Variants in CSMD1 observed in about 807,000 individuals in gnomAD.
CSMD1 encodes the protein CUB and Sushi multiple domains 1, also known as CUB and sushi domain-containing protein 1.
Under a neutral mutation model 417.5 loss-of-function variants are expected in CSMD1, and 213 were observed. The observed-to-expected ratio is 0.51, with a 90% confidence interval of 0.46 to 0.57. The LOEUF is 0.57. CSMD1 is among the 20% of genes least tolerant of loss of function. CSMD1 has a pLI of 0.00. For missense variants in CSMD1, 6,923 were observed against 4,529.7 expected, an observed-to-expected ratio of 1.53 and a Z score of -15.17; for synonymous variants, 2,862 against 1,736.8, an observed-to-expected ratio of 1.65 and a Z score of -16.11.
intron 3 of CSMD1, among the ~76,000 whole-genome samples, chr8:4,335,237 T>G (rs1036678161): frequency 6.6e-6 from 1 of 152,106 alleles, no homozygotes; most frequent in Non-Finnish European, 1.5e-5. Context: ...TGATCCCATT[T>G]GTGAACACTT....
chr8:3,543,819 C>G (rs28553311), intron 10 of CSMD1, among the ~76,000 whole-genome samples: 3,138 of 152,142 alleles, frequency 0.021, 96 homozygotes, highest in African/African-American at 0.071. Context: ...TGAATAGGAA[C>G]ATTTTGGTAG....
intron 8 of CSMD1, among the ~76,000 whole-genome samples, chr8:3,604,630 G>T (rs941275762): frequency 2.6e-5 from 4 of 152,180 alleles, no homozygotes; most frequent in South Asian, 2.1e-4. Flanking sequence ...GCAAGAAAAG[G>T]AATCAAAGGA....
intron 6 of CSMD1, among the ~76,000 whole-genome samples, chr8:3,751,698 C>A (rs1228753144): frequency 1.3e-5 from 2 of 151,866 alleles, no homozygotes; most frequent in South Asian, 4.2e-4. Context: ...TTTCTGCCAA[C>A]CAATGAGTTT....
chr8:4,042,875 C>A (rs1797964030), intron 3 of CSMD1, among the ~76,000 whole-genome samples: 1 of 139,058 alleles, frequency 7.2e-6, no homozygotes. Context: ...TGCCTATAAT[C>A]CCAGTACTTT....
chr8:4,708,780 A>G (rs2116853630), intron 1 of CSMD1, among the ~76,000 whole-genome samples: 1 of 152,228 alleles, frequency 6.6e-6, no homozygotes, highest in African/African-American at 2.4e-5. Context: ...ATATTTGGAG[A>G]GAAGATTTTG....
intron 49 of CSMD1, among the ~76,000 whole-genome samples, chr8:3,070,082 T>C (rs1813229313): frequency 6.6e-6 from 1 of 152,220 alleles, no homozygotes; most frequent in Non-Finnish European, 1.5e-5. Context: ...AGCAGCATCC[T>C]GAGGATTCAC....
chr8:4,032,349 C>T (rs1466079168), intron 3 of CSMD1, among the ~76,000 whole-genome samples: 2 of 152,208 alleles, frequency 1.3e-5, no homozygotes, highest in Non-Finnish European at 1.5e-5. Context: ...AAAATATAGT[C>T]CTGCTTTTAT....
intron 5 of CSMD1, among the ~76,000 whole-genome samples, chr8:3,914,521 T>C (rs765416963): frequency 6.6e-6 from 1 of 152,214 alleles, no homozygotes; most frequent in Non-Finnish European, 1.5e-5. Flanking sequence ...TTAATTTTTG[T>C]AGCTCCTAAC....
At chr8:4,722,275 T>C (rs1417195092) in intron 1 of CSMD1, among the ~76,000 whole-genome samples, 2 of 152,138 alleles carry the variant, frequency 1.3e-5, no homozygotes, top group African/African-American at 4.8e-5. Context: ...ATTATATTCC[T>C]TAAATACAGA....
In CSMD1 at chr8:4,078,896, AATATATATATATATATATATAT is replaced by A. The variant is rs1173719388; in HGVS notation, c.416-46819_416-46798del. 8.2e-3 allele frequency among the ~76,000 whole-genome samples: 355 copies of A among 43,542 alleles called. 21 individuals carry two copies. The highest frequency in any genetic ancestry group is 0.066 in the Admixed American group (288 of 4,368). The allele number at this position is 43,542 out of a possible 152,430, so 28.6% of individuals were successfully genotyped here. Reference sequence around the variant, plus strand: ...ACTAAAATTAATAATAATAATAATAAATATATATATATATATATATATATATATATATATATATATATATATG... The same window carrying A: ...ACTAAAATTAATAATAATAATAATAAATATATATATATATATATATATATG... On this transcript the variant is annotated intron_variant, in intron 3 of 69. Coordinates refer to ENST00000635120, the MANE Select transcript of CSMD1 (RefSeq NM_033225.6).
At chr8:4,610,433 T>C (rs1391621059) in intron 2 of CSMD1, among the ~76,000 whole-genome samples, 1 of 152,194 alleles carries the variant, frequency 6.6e-6, no homozygotes, top group Non-Finnish European at 1.5e-5. Flanking sequence ...AAGGATTTAT[T>C]TCCAAAGGGG....
chr8:3,334,433 G>C (rs944461021), intron 23 of CSMD1, among the ~76,000 whole-genome samples: 1 of 152,136 alleles, frequency 6.6e-6, no homozygotes, highest in Non-Finnish European at 1.5e-5. Context: ...CTCATTTATA[G>C]TAGTATGTTT....
chr8:3,878,765 G>A lies in CSMD1; in HGVS notation c.818+119138C>T, dbSNP rs564539585. 2.1e-4 allele frequency among the ~76,000 whole-genome samples: 32 copies of A among 152,230 alleles called. 2 individuals carry two copies. The South Asian group carries it at 4.4e-3, about 21-fold the overall frequency. ...CTTGTACTTTATGTTGGACAGTTAT[G>A]CTTCCTGAGTTTGTGCAAACTTTGA... is the stretch of plus-strand genomic sequence containing the variant. On this transcript the variant is annotated intron_variant, in intron 5 of 69. Transcript: ENST00000635120.
intron 2 of CSMD1, among the ~76,000 whole-genome samples, chr8:4,436,419 G>A (rs773809015): frequency 1.3e-5 from 2 of 152,110 alleles, no homozygotes; most frequent in Non-Finnish European, 2.9e-5. Context: ...GTACAGAGTA[G>A]ATGTGTGTAT....
intron 23 of CSMD1, among the ~76,000 whole-genome samples, chr8:3,308,816 C>A (rs532675138): frequency 2.5e-4 from 38 of 150,366 alleles, no homozygotes; most frequent in African/African-American, 8.1e-4. Flanking sequence ...CTCCACCTCC[C>A]AGGTTCAAGT....
rs1159118756 is a variant in CSMD1 at position 3,343,469 on chromosome 8, A to T, written c.3475-19T>A. ...CATATACCTGATGAAAATTCACAGC[A>T]TGAGTCCCTCTATGCCTTCACTGGA... On this transcript the variant is annotated intron_variant, in intron 22 of 69. Coordinates refer to ENST00000635120, the MANE Select transcript of CSMD1 (RefSeq NM_033225.6). The T allele has an allele frequency of 2.5e-6, 4 of 1,608,530 alleles. No individual in the cohort carries two copies. Among genetic ancestry groups the T allele is most frequent in the Non-Finnish European group, 1.7e-6 (2 of 1,175,670 alleles).
At chr8:4,344,071 A>G (rs1477732281) in intron 3 of CSMD1, among the ~76,000 whole-genome samples, 1 of 152,122 alleles carries the variant, frequency 6.6e-6, no homozygotes, top group Non-Finnish European at 1.5e-5. Context: ...GCACACACAT[A>G]CTCTGGCTTA....
intron 37 of CSMD1, among the ~76,000 whole-genome samples, chr8:3,175,391 C>T (rs997999145): frequency 7.2e-5 from 11 of 152,150 alleles, no homozygotes; most frequent in African/African-American, 2.7e-4. Context: ...ATTTTTCTAT[C>T]AGGATTTTCT....
chr8:4,817,583 ACT>A (rs1451738382), intron 1 of CSMD1, among the ~76,000 whole-genome samples: 3 of 152,236 alleles, frequency 2.0e-5, no homozygotes, highest in African/African-American at 7.2e-5. Flanking sequence ...CCACATTTTG[ACT>A]TTGCTCATGC....
Sources: gnomAD v4.1 joint callset for allele counts (sites outside exome capture counted in the v4.1 genomes callset) on GRCh38, gnomAD v4.1.1 for gene constraint, MANE v1.5 for transcripts, NCBI Gene and HGNC (gene_info 2026-07-23, HGNC 2026-07-21) for gene names.